The following GALNT18 variants were observed in gnomAD, a reference collection of about 807,000 sequenced individuals.
GALNT18 encodes the protein polypeptide N-acetylgalactosaminyltransferase 18, also known as GalNAc-transferase 18.
Under a neutral mutation model 69.5 loss-of-function variants are expected in GALNT18, and 44 were observed. That is an observed-to-expected ratio of 0.63 (90% CI 0.50 to 0.81). The LOEUF is 0.81. Ranked by LOEUF, GALNT18 falls within the 40% of genes least tolerant of loss-of-function variation. The pLI, the probability that GALNT18 is intolerant of heterozygous loss-of-function variation, is 0.00. For synonymous variants in GALNT18, 364 were observed against 318.2 expected (o/e 1.14, Z -1.53); for missense variants, 715 against 810.0 (o/e 0.88, Z 1.42).
chr11:11,594,386 C>T (rs767792245), intron 1 of GALNT18, among the ~76,000 whole-genome samples: 113 of 152,314 alleles, frequency 7.4e-4, no homozygotes, highest in Non-Finnish European at 1.3e-3. Context: ...ATTCACAGAG[C>T]TGTGCACTCA....
chr11:11,553,483 C>A (rs532105947), intron 1 of GALNT18, among the ~76,000 whole-genome samples: 1 of 152,222 alleles, frequency 6.6e-6, no homozygotes. Context: ...TCTGTCACCC[C>A]CTCCCTGCCT....
chr11:11,395,477 G>C lies in GALNT18; in HGVS notation c.596-16213C>G, dbSNP rs137931800. Among the ~76,000 whole-genome samples the C allele has an allele frequency of 0.01, 1,537 of 152,320 alleles. 46 individuals carry two copies. In the South Asian group the frequency reaches 0.12, roughly 12 times the overall value. ...CATTTGCTCATTTAGTCTTCACAATGATCCCATGAGATGGGGAAACTGAGA... is the reference window on the plus strand; with the variant it reads ...CATTTGCTCATTTAGTCTTCACAATCATCCCATGAGATGGGGAAACTGAGA... On this transcript the variant is annotated intron_variant, in intron 3 of 10. Transcript: ENST00000227756.
intron 1 of GALNT18, among the ~76,000 whole-genome samples, chr11:11,471,168 C>T (rs11021868): frequency 0.21 from 31,364 of 152,074 alleles, 4,026 homozygotes; most frequent in South Asian, 0.3. Flanking sequence ...CCCTGGCTTC[C>T]GCCTGTCCAT....
rs192923069 is a variant in GALNT18 at position 11,289,874 on chromosome 11, G to T, written c.1677+3155C>A. ...TCTCAATGTCTCATATTGGAGGTGG[G>T]CTTGCTGTGCTATTAACCTCAAACT... is the stretch of plus-strand genomic sequence containing the variant. On this transcript the variant is annotated intron_variant, in intron 10 of 10. Coordinates refer to ENST00000227756, the MANE Select transcript of GALNT18 (RefSeq NM_198516.3). Among the ~76,000 whole-genome samples the T allele has an allele frequency of 2.0e-5, 3 of 152,300 alleles. No individual in the cohort carries two copies. The East Asian group carries it at 5.8e-4, about 29-fold the overall frequency.
intron 1 of GALNT18, among the ~76,000 whole-genome samples, chr11:11,567,621 C>T (rs59096052): frequency 0.21 from 32,539 of 152,058 alleles, 4,398 homozygotes; most frequent in South Asian, 0.37. Flanking sequence ...CCCAGCCAGC[C>T]CCACCAGGAG....
intron 2 of GALNT18, among the ~76,000 whole-genome samples, chr11:11,438,394 C>T (rs539769676): frequency 3.5e-4 from 54 of 152,304 alleles, no homozygotes; most frequent in South Asian, 1.9e-3. Flanking sequence ...TGCTGCCCCA[C>T]GCGGAATACT....
rs1286792603 is a variant in GALNT18 at position 11,619,151 on chromosome 11, T to C, written c.235+2208A>G. 6.6e-6 allele frequency among the ~76,000 whole-genome samples: 1 copy of C among 152,122 alleles called. No individual in the cohort carries two copies. The highest frequency in any genetic ancestry group is 1.5e-5 in the Non-Finnish European group (1 of 68,006). On this transcript the variant is annotated intron_variant, in intron 1 of 10. Transcript: ENST00000227756. This position sits in a 1 kb window ranked among gnomAD's most constrained non-coding sequence, Gnocchi z 4.9. The stretch of plus-strand genomic sequence containing the variant: ...GTAACCTCTGCCCCTGCCTGCCTCA[T>C]TTCCAGTCTTTCCAAGTCACTGACC...
chr11:11,548,766 A>G (rs1858124681), intron 1 of GALNT18, among the ~76,000 whole-genome samples: 1 of 152,238 alleles, frequency 6.6e-6, no homozygotes, highest in Non-Finnish European at 1.5e-5. Context: ...TTTCTTATCC[A>G]AGGCAGTACA....
intron 1 of GALNT18, among the ~76,000 whole-genome samples, chr11:11,503,346 A>C (rs1206200910): frequency 2.0e-5 from 3 of 152,188 alleles, no homozygotes; most frequent in Non-Finnish European, 2.9e-5. Flanking sequence ...TGAAGCCTAG[A>C]AATGACGATC....
intron 2 of GALNT18, among the ~76,000 whole-genome samples, chr11:11,440,859 A>G (rs1855518762): frequency 6.6e-6 from 1 of 152,246 alleles, no homozygotes; most frequent in African/African-American, 2.4e-5. Flanking sequence ...CAAACTTTGC[A>G]GTACCATCCC....
chr11:11,432,501 T>C lies in GALNT18; in HGVS notation c.595+120A>G. 2 of 1,007,216 alleles carry C rather than the reference T, an allele frequency of 2.0e-6. No homozygotes were observed. Among genetic ancestry groups the C allele is most frequent in the Admixed American group, 2.5e-5 (1 of 39,432 alleles). The allele number at this position is 1,007,216 out of a possible 1,614,324, so 62.4% of individuals were successfully genotyped here. ...GTGGCCACCATGAATTTCTCATCTA[T>C]GCTCCAGAGAAAGAGCAGCCACAGA... is the stretch of plus-strand genomic sequence containing the variant. On this transcript the variant is annotated intron_variant, in intron 3 of 10. Transcript: ENST00000227756. This position sits in a 1 kb window ranked among gnomAD's most constrained non-coding sequence, Gnocchi z 5.8.
rs1409293093 is a variant in GALNT18 at position 11,372,722 on chromosome 11, C to G, written c.978-93G>C. ...CTTCCTATCAGGAGGGTCTGGTTCT[C>G]TTCCTTCCTTTGCTGCCAGAGCCAG... On this transcript the variant is annotated intron_variant, in intron 5 of 10. Coordinates refer to ENST00000227756, the MANE Select transcript of GALNT18 (RefSeq NM_198516.3). This position sits in a 1 kb window ranked among gnomAD's most constrained non-coding sequence, Gnocchi z 4.9. 1.0e-6 allele frequency: 1 copy of G among 981,960 alleles called. No homozygotes were observed. The highest frequency in any genetic ancestry group is 1.6e-6 in the Non-Finnish European group (1 of 637,648). The allele number at this position is 981,960 out of a possible 1,614,324, so 60.8% of individuals were successfully genotyped here.
At chr11:11,526,038 G>A (rs1265457038) in intron 1 of GALNT18, among the ~76,000 whole-genome samples, 2 of 152,190 alleles carry the variant, frequency 1.3e-5, no homozygotes, top group Non-Finnish European at 2.9e-5. Context: ...TGGGGGAAAG[G>A]TATGAGAAAG....
rs1451354817 is a variant in GALNT18 at position 11,603,968 on chromosome 11, G to A, written c.235+17391C>T. ...TTTGGGAGGTGATAAGGCCATGAGGGTGGACCCTCATGAATGGGATTACTG... is the reference window on the plus strand; with the variant it reads ...TTTGGGAGGTGATAAGGCCATGAGGATGGACCCTCATGAATGGGATTACTG... On this transcript the variant is annotated intron_variant, in intron 1 of 10. Transcript: ENST00000227756. This position sits in a 1 kb window ranked among gnomAD's most constrained non-coding sequence, Gnocchi z 4.5. Among the ~76,000 whole-genome samples, 1 of 152,144 alleles carries A rather than the reference G, an allele frequency of 6.6e-6. No homozygotes were observed. The highest frequency in any genetic ancestry group is 2.4e-5 in the African/African-American group (1 of 41,430).
chr11:11,474,942 A>G (rs1856356528), intron 1 of GALNT18, among the ~76,000 whole-genome samples: 1 of 152,212 alleles, frequency 6.6e-6, no homozygotes, highest in Non-Finnish European at 1.5e-5. Context: ...CCAGAGTGGG[A>G]ATGTCAATAT....
intron 6 of GALNT18, among the ~76,000 whole-genome samples, chr11:11,345,763 A>G (rs1734696021): frequency 6.6e-6 from 1 of 152,138 alleles, no homozygotes; most frequent in South Asian, 2.1e-4. Context: ...GTAGCTGGGT[A>G]CCAAAGGGGT....
chr11:11,297,856 G>A (rs1849429045), intron 9 of GALNT18, among the ~76,000 whole-genome samples: 1 of 152,188 alleles, frequency 6.6e-6, no homozygotes, highest in African/African-American at 2.4e-5. Context: ...CTGCAAACCA[G>A]ATCTCCAGCA....
At chr11:11,507,405 A>T (rs559462643) in intron 1 of GALNT18, among the ~76,000 whole-genome samples, 1 of 152,110 alleles carries the variant, frequency 6.6e-6, no homozygotes, top group Admixed American at 6.5e-5. Flanking sequence ...GCCCCAGTGC[A>T]TTTTCCTTTT....
chr11:11,420,786 T>A (rs913215254), intron 3 of GALNT18, among the ~76,000 whole-genome samples: 1 of 152,130 alleles, frequency 6.6e-6, no homozygotes. Flanking sequence ...GACAGCTTGA[T>A]CCCAGTGGCT....
Sources: gnomAD v4.1 joint callset for allele counts (sites outside exome capture counted in the v4.1 genomes callset) on GRCh38, gnomAD v4.1.1 for gene constraint, Gnocchi (gnomAD v3.1) non-coding constraint, MANE v1.5 for transcripts, NCBI Gene and HGNC (gene_info 2026-07-23, HGNC 2026-07-21) for gene names.